LRRC8C: variants seen among roughly 807,000 people sequenced by gnomAD.
LRRC8C encodes leucine rich repeat containing 8 VRAC subunit C.
LRRC8C carries 20 observed loss-of-function variants against 55.3 expected under a neutral mutation model. The ratio of observed to expected loss-of-function variants is 0.36; its 90% confidence interval spans 0.25 to 0.53. The LOEUF (loss-of-function observed/expected upper bound fraction) is 0.53, where lower values mean the gene tolerates loss of function less well. LRRC8C is among the 20% of genes least tolerant of loss of function. The pLI is 0.92. For missense variants in LRRC8C, 659 were observed against 951.4 expected (o/e 0.69, Z 4.04); for synonymous variants, 376 against 360.7 (o/e 1.04, Z -0.48).
chr1:89,687,244 T>C (rs1657908576), intron 2 of LRRC8C, among the ~76,000 whole-genome samples: 1 of 152,236 alleles, frequency 6.6e-6, no homozygotes, highest in South Asian at 2.1e-4. Context: ...TATACTTTGA[T>C]AGAGGTGTCC....
chr1:89,621,711 A>G, the LRRC8C span, among the ~76,000 whole-genome samples: 7 of 152,362 alleles, frequency 4.6e-5, no homozygotes, highest in Middle Eastern at 6.8e-3. Flanking sequence ...GTAGAGAATT[A>G]GTAACTTTTA....
chr1:89,669,362 T>A (rs1657355939), intron 1 of LRRC8C, among the ~76,000 whole-genome samples: 2 of 152,198 alleles, frequency 1.3e-5, no homozygotes, highest in South Asian at 4.1e-4. Context: ...AGATCTGCTG[T>A]ACAACATTGT....
At position 89,713,340 on chromosome 1, in the gene LRRC8C, T is replaced by C. The variant is rs1462020357; in HGVS notation, c.770T>C (p.Ile257Thr). ...KFRLHVEEGD[I>T]LYAMYVRQTV... ...AGGCTGCATGTGGAAGAAGGTGATA[T>C]TCTATATGCCATGTATGTTCGCCAG... The change falls in exon 3 of 3, where the codon ATT becomes ACT. Residue 257 changes from isoleucine to threonine, a missense_variant. Transcript: ENST00000370454. This position sits in a 1 kb window ranked among gnomAD's most constrained non-coding sequence, Gnocchi z 5.2. The C allele has an allele frequency of 5.0e-6, 8 of 1,614,114 alleles. No individual in the cohort carries two copies. Among genetic ancestry groups the C allele is most frequent in the Non-Finnish European group, 6.8e-6 (8 of 1,180,036 alleles).
chr1:89,707,233 C>T (rs1036301277), intron 2 of LRRC8C, among the ~76,000 whole-genome samples: 1 of 151,960 alleles, frequency 6.6e-6, no homozygotes, highest in African/African-American at 2.4e-5. Flanking sequence ...ATAGTGAAAC[C>T]GCATCTCTAC....
chr1:89,633,361 G>T (rs1656178898), intron 1 of LRRC8C, 39 bp downstream of exon 1: 1 of 152,394 alleles, frequency 6.6e-6, no homozygotes, highest in South Asian at 2.1e-4. Context: ...GAGAGGGGCA[G>T]CCCGCAGAGG....
At chr1:89,675,685 C>T (rs1025945871) in intron 1 of LRRC8C, among the ~76,000 whole-genome samples, 1 of 152,190 alleles carries the variant, frequency 6.6e-6, no homozygotes, top group Non-Finnish European at 1.5e-5. Flanking sequence ...TTAACCACAG[C>T]CAATGATATT....
chr1:89,677,081 A>G (rs759497070), intron 1 of LRRC8C, among the ~76,000 whole-genome samples: 3 of 152,256 alleles, frequency 2.0e-5, no homozygotes, highest in Non-Finnish European at 4.4e-5. Flanking sequence ...AGCACACACA[A>G]TTAAAAGGAT....
At chr1:89,680,416 G>A (rs188348598) in intron 1 of LRRC8C, among the ~76,000 whole-genome samples, 1 of 151,678 alleles carries the variant, frequency 6.6e-6, no homozygotes, top group Non-Finnish European at 1.5e-5. Flanking sequence ...ATATCTTTGA[G>A]AAGTAAAGTT....
intron 2 of LRRC8C, among the ~76,000 whole-genome samples, chr1:89,709,741 G>GTTTTTTTT (rs746711104): frequency 2.2e-5 from 2 of 91,892 alleles, no homozygotes; most frequent in African/African-American, 7.3e-5. Context: ...TTTGTGTGTG[G>GTTTTTTTT]TTTTTTTTTG....
chr1:89,680,077 C>CT (rs534159163), intron 1 of LRRC8C, among the ~76,000 whole-genome samples: 43,945 of 142,856 alleles, frequency 0.31, 6,920 homozygotes, highest in East Asian at 0.37. Flanking sequence ...TACCAATATT[C>CT]TTTTTTTTTT....
intron 1 of LRRC8C, among the ~76,000 whole-genome samples, chr1:89,676,602 C>T (rs985510967): frequency 6.6e-6 from 1 of 152,152 alleles, no homozygotes; most frequent in African/African-American, 2.4e-5. Flanking sequence ...GGGTGATAAG[C>T]ATGGATAAGT....
At chr1:89,623,145 AACTC>A in the LRRC8C span, among the ~76,000 whole-genome samples, 5 of 77,088 alleles carry the variant, frequency 6.5e-5, no homozygotes, top group African/African-American at 2.0e-4. Flanking sequence ...CAACGCAACT[AACTC>A]AGACACACAC....
At position 89,696,053 on chromosome 1, in the gene LRRC8C, G is replaced by T. The variant is rs78589468; in HGVS notation, c.138+9442G>T. Reference sequence around the variant, plus strand: ...CAAAAAACTGCCTTCTCTTCATTTGGGGCATCTTCATATAGTCATAAGTGT... The same window carrying T: ...CAAAAAACTGCCTTCTCTTCATTTGTGGCATCTTCATATAGTCATAAGTGT... On this transcript the variant is annotated intron_variant, in intron 2 of 2. Coordinates refer to ENST00000370454, the MANE Select transcript of LRRC8C (RefSeq NM_032270.5). 3.6e-3 allele frequency among the ~76,000 whole-genome samples: 551 copies of T among 152,228 alleles called. 1 individual carries two copies. The highest frequency in any genetic ancestry group is 5.6e-3 in the Non-Finnish European group (380 of 68,002).
chr1:89,714,355 G>A lies in LRRC8C; in HGVS notation c.1785G>A (p.Glu595=), dbSNP rs1320721050. ...LKKMTNLTEL[E]LVHCDLERIP... ...AGATGACCAATCTGACAGAGCTGGAGCTGGTCCACTGTGACCTGGAGCGTA... is the reference window on the plus strand; with the variant it reads ...AGATGACCAATCTGACAGAGCTGGAACTGGTCCACTGTGACCTGGAGCGTA... The change falls in exon 3 of 3, where the codon GAG becomes GAA. Residue 595 remains glutamate (E), a synonymous_variant. Transcript: ENST00000370454. This position sits in a 1 kb window ranked among gnomAD's most constrained non-coding sequence, Gnocchi z 4.6. 1 of 1,614,196 alleles carries A rather than the reference G, an allele frequency of 6.2e-7. No individual in the cohort carries two copies. Among genetic ancestry groups the A allele is most frequent in the Non-Finnish European group, 8.5e-7 (1 of 1,180,024 alleles).
At chr1:89,677,317 G>T (rs1046612423) in intron 1 of LRRC8C, among the ~76,000 whole-genome samples, 8 of 152,170 alleles carry the variant, frequency 5.3e-5, no homozygotes, top group Non-Finnish European at 1.2e-4. Context: ...TCATTGGGTT[G>T]CAAGTTCCGC....
chr1:89,638,381 T>G (rs1656353547), intron 1 of LRRC8C, among the ~76,000 whole-genome samples: 2 of 152,190 alleles, frequency 1.3e-5, no homozygotes, highest in Non-Finnish European at 2.9e-5. Context: ...ACTGTGTATC[T>G]GTTTATGTAC....
Position 89,719,450 on chromosome 1 carries a change from C to T in LRRC8C, c.*4468C>T, listed in dbSNP as rs1395232173. On this transcript the variant is annotated 3_prime_UTR_variant, in exon 3 of 3. Coordinates refer to ENST00000370454, the MANE Select transcript of LRRC8C (RefSeq NM_032270.5). ...GCTTGAAAGTTGATTTGTCATAGTG[C>T]AAATTCATGATAAAATGTCTTAATG... 6.6e-6 allele frequency: 1 copy of T among 152,060 alleles called. No homozygotes were observed. The highest frequency in any genetic ancestry group is 2.4e-5 in the African/African-American group (1 of 41,400). The allele number at this position is 152,060 out of a possible 1,614,324, so 9.4% of individuals were successfully genotyped here.
intron 1 of LRRC8C, among the ~76,000 whole-genome samples, chr1:89,680,634 C>T (rs933504210): frequency 6.7e-5 from 10 of 150,136 alleles, no homozygotes; most frequent in Non-Finnish European, 1.5e-4. Context: ...GATCCCAGCT[C>T]GCTGCAACCT....
At chr1:89,704,867 A>T (rs1463917554) in intron 2 of LRRC8C, among the ~76,000 whole-genome samples, 4 of 152,082 alleles carry the variant, frequency 2.6e-5, no homozygotes, top group South Asian at 2.1e-4. Flanking sequence ...CAGTGTGGCG[A>T]TTCCTCAGGG....
Sources: gnomAD v4.1 joint callset for allele counts (sites outside exome capture counted in the v4.1 genomes callset) on GRCh38, gnomAD v4.1.1 for gene constraint, Gnocchi (gnomAD v3.1) non-coding constraint, MANE v1.5 for transcripts, NCBI Gene and HGNC (gene_info 2026-07-23, HGNC 2026-07-21) for gene names.